CKAP2: variants seen among roughly 807,000 people sequenced by gnomAD.
CKAP2 encodes the protein cytoskeleton associated protein 2.
Under a neutral mutation model 58.4 loss-of-function variants are expected in CKAP2, and 46 were observed. That is an observed-to-expected ratio of 0.79 (90% confidence interval 0.62 to 1.01). CKAP2 has a LOEUF of 1.01. Among genes scored for constraint, CKAP2 ranks in the 50% least tolerant of loss-of-function variants. The probability of loss-of-function intolerance (pLI) is 0.00; values close to 1 mark genes in which losing one functional copy is unlikely to be tolerated. For missense variants in CKAP2, 809 were observed against 796.4 expected (o/e 1.02, Z -0.19); for synonymous variants, 293 against 280.9 (o/e 1.04, Z -0.43).
intron 6 of CKAP2, chr13:52,465,745 C>G (rs1238974351): frequency 7.8e-6 from 4 of 514,324 alleles, no homozygotes; most frequent in Non-Finnish European, 1.5e-5. Flanking sequence ...TTATTGTATG[C>G]ATTTCCTGGT....
chr13:52,464,383 T>C (rs188609313), intron 5 of CKAP2, among the ~76,000 whole-genome samples: 2 of 152,160 alleles, frequency 1.3e-5, no homozygotes, highest in Non-Finnish European at 2.9e-5. Flanking sequence ...TAAAACTCTG[T>C]CTCTACTAAA....
chr13:52,457,505 T>C (rs1000989313), intron 2 of CKAP2, among the ~76,000 whole-genome samples: 3 of 152,122 alleles, frequency 2.0e-5, no homozygotes, highest in African/African-American at 4.8e-5. Context: ...TGAAAGTAGA[T>C]GAAGCAGAAA....
intron 8 of CKAP2, among the ~76,000 whole-genome samples, chr13:52,474,314 C>G (rs1958799877): frequency 6.6e-6 from 1 of 151,890 alleles, no homozygotes; most frequent in Non-Finnish European, 1.5e-5. Flanking sequence ...GGCAAAACCC[C>G]ATCTCTACAA....
Position 52,476,070 on chromosome 13 carries a change from TAC to T in CKAP2, c.*933_*934del, listed in dbSNP as rs1306017229. On this transcript the variant is annotated 3_prime_UTR_variant, in exon 9 of 9. Transcript: ENST00000258607. ...TGTCCCTTGAAACATGATAGTTACA[TAC>T]ACAGTTTTCTCTCCACACATAAATA... 3 of 152,220 alleles carry T rather than the reference TAC, an allele frequency of 2.0e-5. No individual in the cohort carries two copies. The highest frequency in any genetic ancestry group is 2.1e-4 in the South Asian group (1 of 4,834). The allele number at this position is 152,220 out of a possible 1,614,324, so 9.4% of individuals were successfully genotyped here.
chr13:52,473,800 A>C (rs764388115), intron 7 of CKAP2, 29 bp from the exon 8 acceptor site: 4 of 1,556,382 alleles, frequency 2.6e-6, no homozygotes, highest in Non-Finnish European at 2.6e-6. Context: ...TTCAGCCAAA[A>C]GCTTAATCTA....
intron 5 of CKAP2, among the ~76,000 whole-genome samples, chr13:52,464,737 T>C (rs1381713427): frequency 6.6e-6 from 1 of 152,194 alleles, no homozygotes; most frequent in Non-Finnish European, 1.5e-5. Flanking sequence ...AATCTTGTTT[T>C]GGTCACCCAC....
At chr13:52,457,296 A>C (rs902057876) in intron 2 of CKAP2, among the ~76,000 whole-genome samples, 1 of 152,200 alleles carries the variant, frequency 6.6e-6, no homozygotes, top group Non-Finnish European at 1.5e-5. Flanking sequence ...TACTGTTTAC[A>C]CCACACAAAG....
intron 6 of CKAP2, among the ~76,000 whole-genome samples, chr13:52,467,248 A>G (rs768971125): frequency 6.6e-6 from 1 of 152,210 alleles, no homozygotes; most frequent in Non-Finnish European, 1.5e-5. Flanking sequence ...TTAGGTAAAT[A>G]ATGGTCACTT....
intron 2 of CKAP2, among the ~76,000 whole-genome samples, chr13:52,457,087 G>C (rs1958497939): frequency 6.6e-6 from 1 of 152,022 alleles, no homozygotes; most frequent in Non-Finnish European, 1.5e-5. Flanking sequence ...AACAGAGACC[G>C]GGTTTCACTA....
intron 2 of CKAP2, among the ~76,000 whole-genome samples, chr13:52,459,095 C>G (rs1958531420): frequency 6.6e-6 from 1 of 152,214 alleles, no homozygotes; most frequent in East Asian, 1.9e-4. Context: ...ATGGGTTCTT[C>G]TTGTCATCCT....
chr13:52,474,969 G>C lies in CKAP2; in HGVS notation c.1877G>C (p.Arg626Pro). The change falls in exon 9 of 9, where the codon CGT becomes CCT. Residue 626 changes from arginine (R) to proline (P), a missense_variant. Physicochemically the swap from Arg to Pro is moderately radical, Grantham distance 103. This residue lies in a region of CKAP2 where 283 missense variants were observed against 287.6 expected (regional missense o/e 0.98). Coordinates refer to ENST00000258607, the MANE Select transcript of CKAP2 (RefSeq NM_018204.5). ...CTGAAGTTTTTAACACCAGTGAGAC[G>C]TTCTCGACGTCTTCAAGAGAAAACT... is the stretch of plus-strand genomic sequence containing the variant. ...KELKFLTPVR[R>P]SRRLQEKTSK... is the part of the protein sequence containing the mutation. 1.2e-6 allele frequency: 2 copies of C among 1,614,064 alleles called. No homozygotes were observed. Among genetic ancestry groups the C allele is most frequent in the Non-Finnish European group, 1.7e-6 (2 of 1,179,954 alleles).
chr13:52,457,115 T>C (rs541108351), intron 2 of CKAP2, among the ~76,000 whole-genome samples: 2 of 152,282 alleles, frequency 1.3e-5, no homozygotes, highest in African/African-American at 4.8e-5. Flanking sequence ...CGGGCTGGTC[T>C]TGGACTCCTG....
At chr13:52,456,469 C>T (rs1958481318) in intron 1 of CKAP2, 54 bp from the exon 2 acceptor site, 6 of 1,310,912 alleles carry the variant, frequency 4.6e-6, no homozygotes, top group Non-Finnish European at 6.5e-6. Context: ...ATTTATTTGC[C>T]GTTATCGATG....
At chr13:52,472,081 T>C (rs1385955050) in intron 7 of CKAP2, among the ~76,000 whole-genome samples, 1 of 152,236 alleles carries the variant, frequency 6.6e-6, no homozygotes, top group Non-Finnish European at 1.5e-5. Flanking sequence ...TCTTAATTTC[T>C]GCTTATCCTT....
chr13:52,461,030 A>G, intron 3 of CKAP2, 28 bp from the exon 4 acceptor site: 3 of 1,603,158 alleles, frequency 1.9e-6, no homozygotes, highest in Non-Finnish European at 2.5e-6. Flanking sequence ...TGCCTTTCCT[A>G]AACACTTTTC....
At chr13:52,468,202 C>T (rs547858842) in intron 6 of CKAP2, 76 bp from the exon 7 acceptor site, 48 of 831,066 alleles carry the variant, frequency 5.8e-5, no homozygotes, top group Admixed American at 4.5e-4. Context: ...AAAATTTAAT[C>T]GCGACTTGGA....
intron 5 of CKAP2, among the ~76,000 whole-genome samples, chr13:52,463,514 C>T (rs1328667928): frequency 2.0e-5 from 3 of 152,128 alleles, no homozygotes; most frequent in Non-Finnish European, 4.4e-5. Context: ...AAAATATGTT[C>T]AGAGTAATTA....
intron 7 of CKAP2, among the ~76,000 whole-genome samples, chr13:52,472,357 G>A (rs1594144439): frequency 1.3e-5 from 2 of 152,236 alleles, no homozygotes. Context: ...CACATATTTG[G>A]CACTTAAATA....
rs763695782 is a variant in CKAP2, at chr13:52,475,065, G to T, written c.1973G>T (p.Gly658Val). The T allele has an allele frequency of 6.8e-6, 11 of 1,614,216 alleles. No homozygotes were observed. The highest frequency in any genetic ancestry group is 9.3e-6 in the Non-Finnish European group (11 of 1,180,038). The change falls in exon 9 of 9, where the codon GGA becomes GTA. Residue 658 changes from glycine (G) to valine (V), a missense_variant. Gly to Val is a moderately radical substitution (Grantham distance 109). Transcript: ENST00000258607. ...VSSLEQLTEL[G>V]RETDAFVCRP... is the part of the protein sequence containing the mutation. ...TCATTGGAACAGCTAACGGAGTTGG[G>T]AAGAGAAACTGATGCTTTTGTATGC...
Sources: gnomAD v4.1 joint callset for allele counts (sites outside exome capture counted in the v4.1 genomes callset) on GRCh38, gnomAD v4.1.1 for gene constraint, gnomAD v4.1.1 regional missense constraint, MANE v1.5 for transcripts, NCBI Gene and HGNC (gene_info 2026-07-23, HGNC 2026-07-21) for gene names.